Variants in TBC1D9 observed in about 807,000 individuals in gnomAD.
TBC1D9 encodes the protein TBC1 domain family member 9.
A neutral mutation model predicts 132.0 loss-of-function variants in TBC1D9; 63 were observed. That is an observed-to-expected ratio of 0.48 (90% CI 0.39 to 0.59). The LOEUF (loss-of-function observed/expected upper bound fraction) is 0.59, where lower values mean the gene tolerates loss of function less well. Among genes scored for constraint, TBC1D9 ranks in the 20% least tolerant of loss-of-function variants. The probability of loss-of-function intolerance (pLI) is 0.00; values close to 1 mark genes in which losing one functional copy is unlikely to be tolerated. For synonymous variants in TBC1D9, 610 were observed against 609.9 expected, an observed-to-expected ratio of 1.00 and a Z score of 0.00; for missense variants, 1,261 against 1,592.7, an observed-to-expected ratio of 0.79 and a Z score of 3.54.
chr4:140,650,434 C>A (rs1460734338), intron 13 of TBC1D9, among the ~76,000 whole-genome samples: 1 of 152,228 alleles, frequency 6.6e-6, no homozygotes, highest in African/African-American at 2.4e-5. Context: ...AGAAGCCCAC[C>A]CTTTCCTACC....
intron 9 of TBC1D9, among the ~76,000 whole-genome samples, chr4:140,663,118 G>C (rs746527047): frequency 2.0e-5 from 3 of 152,070 alleles, no homozygotes; most frequent in African/African-American, 7.2e-5. Flanking sequence ...GCAACTTAAT[G>C]GAAGAAAATA....
At chr4:140,674,719 G>A (rs2111013696) in intron 6 of TBC1D9, among the ~76,000 whole-genome samples, 2 of 151,112 alleles carry the variant, frequency 1.3e-5, no homozygotes, top group Admixed American at 6.6e-5. Context: ...ATTTTTTAGA[G>A]ATAAGGTCTT....
At chr4:140,636,378 C>A (rs1736879810) in intron 15 of TBC1D9, among the ~76,000 whole-genome samples, 2 of 151,936 alleles carry the variant, frequency 1.3e-5, no homozygotes, top group African/African-American at 2.4e-5. Flanking sequence ...AGAAAAATAC[C>A]CAGAAATCGA....
chr4:140,718,849 T>C (rs558904176), intron 1 of TBC1D9, among the ~76,000 whole-genome samples: 26 of 152,154 alleles, frequency 1.7e-4, no homozygotes, highest in African/African-American at 5.8e-4. Flanking sequence ...GAGGCCAAGG[T>C]GGATGGATCA....
Position 140,744,207 on chromosome 4 carries a change from A to C in TBC1D9, c.130+11709T>G, listed in dbSNP as rs1333254999. On this transcript the variant is annotated intron_variant, in intron 1 of 20. Transcript: ENST00000442267. The stretch of plus-strand genomic sequence containing the variant: ...TGTCAGCAGCATTTTCCTATTAATA[A>C]TATGTATTATGAGCCAACTCCACAC... 2.6e-5 allele frequency among the ~76,000 whole-genome samples: 4 copies of C among 152,088 alleles called. No homozygotes were observed. In the East Asian group the frequency reaches 7.7e-4, roughly 29 times the overall value.
intron 1 of TBC1D9, among the ~76,000 whole-genome samples, chr4:140,719,815 C>T (rs985709035): frequency 2.0e-5 from 3 of 152,176 alleles, no homozygotes; most frequent in African/African-American, 4.8e-5. Flanking sequence ...TTACCCAAGG[C>T]TGGCATACTC....
At chr4:140,732,899 C>T (rs1367058183) in intron 1 of TBC1D9, among the ~76,000 whole-genome samples, 1 of 152,164 alleles carries the variant, frequency 6.6e-6, no homozygotes, top group Non-Finnish European at 1.5e-5. Flanking sequence ...CAATATACAT[C>T]ATGGTGACAC....
intron 1 of TBC1D9, among the ~76,000 whole-genome samples, chr4:140,755,343 C>A (rs1403913922): frequency 1.3e-5 from 2 of 152,162 alleles, no homozygotes; most frequent in African/African-American, 4.8e-5. Context: ...ATTATTTTTA[C>A]AACTAGAACC....
intron 13 of TBC1D9, among the ~76,000 whole-genome samples, chr4:140,654,319 GA>G (rs1231159350): frequency 2.0e-5 from 3 of 152,190 alleles, no homozygotes; most frequent in African/African-American, 7.2e-5. Context: ...AAAGTAGAGA[GA>G]AAGGGGAAGG....
Position 140,670,758 on chromosome 4 carries a change from T to C in TBC1D9, c.1228A>G (p.Lys410Glu). Residue 410 changes from lysine (K) to glutamate (E), a missense_variant, in exon 7 of 21, where the codon AAG (lysine) becomes GAG (glutamate). Physicochemically the swap from Lys to Glu is moderately conservative, Grantham distance 56. Around this residue, in one of 3 missense-constraint regions of TBC1D9, gnomAD observed 550 missense variants for 699.0 expected, o/e 0.79. Transcript: ENST00000442267. Reference sequence around the variant, plus strand: ...CTGTTGTAACTTCCTGCAAACTCCTTGTCAGAATATATTTTGGAAGTAGTC... The same window carrying C: ...CTGTTGTAACTTCCTGCAAACTCCTCGTCAGAATATATTTTGGAAGTAGTC... ...QQTTSKIYSD[K>E]EFAGSYNSSD... is the part of the protein sequence containing the mutation. The C allele has an allele frequency of 6.2e-7, 1 of 1,613,938 alleles. No individual in the cohort carries two copies. The highest frequency in any genetic ancestry group is 8.5e-7 in the Non-Finnish European group (1 of 1,179,884).
chr4:140,661,609 C>G (rs958093260), intron 10 of TBC1D9, among the ~76,000 whole-genome samples: 5 of 152,322 alleles, frequency 3.3e-5, no homozygotes, highest in Non-Finnish European at 4.4e-5. Flanking sequence ...GATTCTGCCT[C>G]TCAGACATCT....
At chr4:140,644,986 T>C (rs951351619) in intron 13 of TBC1D9, 5 of 463,016 alleles carry the variant, frequency 1.1e-5, no homozygotes, top group South Asian at 4.9e-5. Context: ...GCAAGCCACA[T>C]GGACATGCTG....
chr4:140,658,790 G>A (rs1560876225), intron 11 of TBC1D9, among the ~76,000 whole-genome samples: 2 of 150,780 alleles, frequency 1.3e-5, no homozygotes, highest in Non-Finnish European at 2.9e-5. Flanking sequence ...CAACCTGGGC[G>A]ACAGAGCGAG....
intron 9 of TBC1D9, 109 bp downstream of exon 9, chr4:140,668,808 G>A: frequency 9.0e-7 from 1 of 1,107,838 alleles, no homozygotes. Flanking sequence ...CTTTCAACTG[G>A]GGGATGCATA....
chr4:140,716,377 G>T (rs1446947231), intron 1 of TBC1D9, among the ~76,000 whole-genome samples: 2 of 151,958 alleles, frequency 1.3e-5, no homozygotes, highest in African/African-American at 4.8e-5. Context: ...TAGAGTCCCA[G>T]CTACTTGGGA....
At chr4:140,744,215 T>C (rs978439631) in intron 1 of TBC1D9, among the ~76,000 whole-genome samples, 2 of 152,044 alleles carry the variant, frequency 1.3e-5, no homozygotes, top group African/African-American at 4.8e-5. Context: ...TAATATGTAT[T>C]ATGAGCCAAC....
intron 9 of TBC1D9, among the ~76,000 whole-genome samples, chr4:140,668,674 G>A (rs1737485339): frequency 6.6e-6 from 1 of 152,210 alleles, no homozygotes; most frequent in South Asian, 2.1e-4. Flanking sequence ...AGAAATGGAA[G>A]TATTTATAAA....
intron 2 of TBC1D9, among the ~76,000 whole-genome samples, chr4:140,689,468 CTTCCCTTCCCCTTT>C (rs1737841135): frequency 8.7e-6 from 1 of 115,512 alleles, no homozygotes; most frequent in Non-Finnish European, 1.8e-5. Flanking sequence ...CTTCCCTTCC[CTTCCCTTCCCCTTT>C]TTCCCTTCCC....
chr4:140,717,271 G>A (rs936898), intron 1 of TBC1D9, among the ~76,000 whole-genome samples: 63,479 of 151,992 alleles, frequency 0.42, 14,766 homozygotes, highest in African/African-American at 0.62. Flanking sequence ...TTTTGGAGCC[G>A]GAGTTGGGAG....
Sources: allele counts gnomAD v4.1 joint callset (sites outside exome capture counted in the v4.1 genomes callset), GRCh38; gene constraint gnomAD v4.1.1; regional missense constraint gnomAD v4.1.1; transcripts MANE v1.5; gene names NCBI Gene and HGNC (gene_info 2026-07-23, HGNC 2026-07-21).